Variants in MACROD2 observed in about 807,000 individuals in gnomAD.
The protein encoded by MACROD2 is ADP-ribose glycohydrolase MACROD2.
A neutral mutation model predicts 70.4 loss-of-function variants in MACROD2; 36 were observed. The observed-to-expected ratio is 0.51, with a 90% CI of 0.39 to 0.68. The LOEUF (loss-of-function observed/expected upper bound fraction) is 0.68, where lower values mean the gene tolerates loss of function less well. MACROD2 is among the 30% of genes least tolerant of loss of function. The pLI, the probability that MACROD2 is intolerant of heterozygous loss-of-function variation, is 0.00. For missense variants in MACROD2, 496 were observed against 538.4 expected (o/e 0.92, Z 0.78); for synonymous variants, 172 against 178.8 (o/e 0.96, Z 0.30).
At chr20:14,643,958 A>G (rs1985234263) in intron 4 of MACROD2, among the ~76,000 whole-genome samples, 1 of 152,206 alleles carries the variant, frequency 6.6e-6, no homozygotes, top group Non-Finnish European at 1.5e-5. Context: ...GTCATCTATA[A>G]CATGGAAATA....
intron 12 of MACROD2, among the ~76,000 whole-genome samples, chr20:15,939,155 CAAG>C (rs1219527642): frequency 6.6e-6 from 1 of 152,206 alleles, no homozygotes; most frequent in African/African-American, 2.4e-5. Flanking sequence ...AGCAAGTTAT[CAAG>C]AAGATCTAGC....
chr20:15,758,948 G>A (rs1433777913), intron 8 of MACROD2, among the ~76,000 whole-genome samples: 1 of 152,048 alleles, frequency 6.6e-6, no homozygotes, highest in East Asian at 2.0e-4. Flanking sequence ...AGGAGTTCAA[G>A]ACCAGCCTGG....
chr20:14,225,573 C>T (rs1202531503), intron 3 of MACROD2, among the ~76,000 whole-genome samples: 2 of 152,218 alleles, frequency 1.3e-5, no homozygotes, highest in African/African-American at 4.8e-5. Flanking sequence ...TTGAAATCTT[C>T]AGATCAATAT....
chr20:14,764,497 G>GA (rs1293519985), intron 5 of MACROD2, among the ~76,000 whole-genome samples: 3 of 151,976 alleles, frequency 2.0e-5, no homozygotes, highest in South Asian at 2.1e-4. Context: ...ACTTGTGGGA[G>GA]AAAAAAACTC....
At chr20:15,342,023 C>T (rs1191921720) in intron 6 of MACROD2, among the ~76,000 whole-genome samples, 1 of 152,088 alleles carries the variant, frequency 6.6e-6, no homozygotes, top group Non-Finnish European at 1.5e-5. Context: ...CACTGTACTT[C>T]AGCCTGGGCA....
At chr20:15,722,101 TTGAA>T (rs1464895208) in intron 8 of MACROD2, among the ~76,000 whole-genome samples, 1 of 152,220 alleles carries the variant, frequency 6.6e-6, no homozygotes, top group African/African-American at 2.4e-5. Context: ...TGGTATTCCA[TTGAA>T]TGAATTTGCC....
At chr20:15,237,633 G>A (rs964550861) in intron 6 of MACROD2, among the ~76,000 whole-genome samples, 6 of 152,066 alleles carry the variant, frequency 3.9e-5, no homozygotes, top group African/African-American at 1.4e-4. Flanking sequence ...GCAGAGGAGT[G>A]GGGATGTGAG....
At chr20:14,846,943 A>G (rs1251826873) in intron 5 of MACROD2, among the ~76,000 whole-genome samples, 3 of 152,102 alleles carry the variant, frequency 2.0e-5, no homozygotes, top group Non-Finnish European at 1.5e-5. Context: ...CCCATGCTTG[A>G]TTTTCTTATT....
intron 3 of MACROD2, among the ~76,000 whole-genome samples, chr20:14,451,400 G>A (rs1347765055): frequency 6.6e-6 from 1 of 152,120 alleles, no homozygotes; most frequent in East Asian, 1.9e-4. Flanking sequence ...AGTGAGCTGA[G>A]ATCATGCCAC....
intron 5 of MACROD2, among the ~76,000 whole-genome samples, chr20:15,020,456 A>C (rs1356643478): frequency 1.3e-5 from 2 of 152,166 alleles, no homozygotes; most frequent in African/African-American, 4.8e-5. Context: ...CTTAAAACCA[A>C]AGTCAAAAGA....
intron 6 of MACROD2, among the ~76,000 whole-genome samples, chr20:15,251,231 A>T (rs544897430): frequency 6.6e-6 from 1 of 152,342 alleles, no homozygotes; most frequent in African/African-American, 2.4e-5. Flanking sequence ...TCACTTCAAA[A>T]TGGATTCCCT....
chr20:15,712,664 A>G (rs1444507744), intron 8 of MACROD2, among the ~76,000 whole-genome samples: 1 of 152,112 alleles, frequency 6.6e-6, no homozygotes, highest in Admixed American at 6.5e-5. Context: ...GCCTGTCTCC[A>G]TTGCCATTTC....
At position 15,667,058 on chromosome 20, in the gene MACROD2, T is replaced by C. The variant is rs545033823; in HGVS notation, c.645+167211T>C. On this transcript the variant is annotated intron_variant, in intron 8 of 17. Transcript: ENST00000684519. The stretch of plus-strand genomic sequence containing the variant: ...CTATCTATCATCTATCTGTCTGATA[T>C]AGTTTGGATATTTGTCCCCACCCAA... Among the ~76,000 whole-genome samples, 7 of 152,278 alleles carry C rather than the reference T, an allele frequency of 4.6e-5. No individual in the cohort carries two copies. The South Asian group carries it at 1.5e-3, about 32-fold the overall frequency.
At chr20:15,468,780 C>T (rs1306018169) in intron 7 of MACROD2, among the ~76,000 whole-genome samples, 1 of 152,210 alleles carries the variant, frequency 6.6e-6, no homozygotes, top group Non-Finnish European at 1.5e-5. Flanking sequence ...TTCCTCCTCC[C>T]TGTCAGCAAT....
chr20:15,894,646 T>A (rs1403708797), intron 10 of MACROD2, among the ~76,000 whole-genome samples: 1 of 152,218 alleles, frequency 6.6e-6, no homozygotes, highest in Non-Finnish European at 1.5e-5. Flanking sequence ...GAGGAATATT[T>A]CCTACTGACA....
intron 6 of MACROD2, among the ~76,000 whole-genome samples, chr20:15,409,225 T>G (rs1230245429): frequency 6.6e-6 from 1 of 152,148 alleles, no homozygotes; most frequent in Admixed American, 6.5e-5. Context: ...CCTCATCATT[T>G]TTATGGTTAA....
chr20:15,439,254 A>G (rs537917715), intron 7 of MACROD2, among the ~76,000 whole-genome samples: 2 of 152,268 alleles, frequency 1.3e-5, no homozygotes, highest in African/African-American at 4.8e-5. Flanking sequence ...CATTTCTCAC[A>G]CACCTGTTTG....
At chr20:15,991,145 C>T (rs2147479761) in intron 15 of MACROD2, among the ~76,000 whole-genome samples, 1 of 152,270 alleles carries the variant, frequency 6.6e-6, no homozygotes, top group East Asian at 1.9e-4. Flanking sequence ...GAGGGGAATG[C>T]CTTTTAGCTC....
intron 8 of MACROD2, among the ~76,000 whole-genome samples, chr20:15,757,441 A>C (rs1883733): frequency 0.26 from 40,005 of 151,954 alleles, 5,708 homozygotes; most frequent in Middle Eastern, 0.33. Context: ...GCTGGCAATA[A>C]TACTGCCCTA....
Sources: gnomAD v4.1 joint callset for allele counts (sites outside exome capture counted in the v4.1 genomes callset) on GRCh38, gnomAD v4.1.1 for gene constraint, MANE v1.5 for transcripts, NCBI Gene and HGNC (gene_info 2026-07-23, HGNC 2026-07-21) for gene names.